The following ARHGAP12 variants were observed in gnomAD, a reference collection of about 807,000 sequenced individuals.
The protein encoded by ARHGAP12 is rho GTPase-activating protein 12.
Under a neutral mutation model 108.6 loss-of-function variants are expected in ARHGAP12, and 64 were observed. The ratio of observed to expected loss-of-function variants is 0.59; its 90% CI spans 0.48 to 0.73. The LOEUF (loss-of-function observed/expected upper bound fraction) is 0.73. Ranked by LOEUF, ARHGAP12 falls within the 30% of genes least tolerant of loss-of-function variation. ARHGAP12 has a pLI of 0.00. For synonymous variants in ARHGAP12, 312 were observed against 337.2 expected (o/e 0.93, Z 0.82); for missense variants, 940 against 1,005.9 (o/e 0.93, Z 0.89).
intron 3 of ARHGAP12, among the ~76,000 whole-genome samples, chr10:31,892,205 A>C (rs768614961): frequency 6.6e-6 from 1 of 152,176 alleles, no homozygotes; most frequent in Non-Finnish European, 1.5e-5. Context: ...GCATCAACTA[A>C]CGAGCAAAAT....
intron 3 of ARHGAP12, among the ~76,000 whole-genome samples, chr10:31,868,553 A>G (rs1837418804): frequency 6.6e-6 from 1 of 152,120 alleles, no homozygotes; most frequent in Non-Finnish European, 1.5e-5. Flanking sequence ...CATCAGAATC[A>G]TCTGAGGTTG....
intron 13 of ARHGAP12, among the ~76,000 whole-genome samples, chr10:31,816,542 C>T (rs906206431): frequency 5.3e-5 from 8 of 152,112 alleles, no homozygotes; most frequent in African/African-American, 1.9e-4. Flanking sequence ...TGCATACTTG[C>T]TTTCAAGAGA....
At chr10:31,821,212 T>C (rs1835405096) in intron 11 of ARHGAP12, among the ~76,000 whole-genome samples, 1 of 152,132 alleles carries the variant, frequency 6.6e-6, no homozygotes, top group South Asian at 2.1e-4. Context: ...GCATCAGCAA[T>C]TTAATGAGGA....
At chr10:31,872,089 T>C (rs1304035322) in intron 3 of ARHGAP12, among the ~76,000 whole-genome samples, 2 of 152,194 alleles carry the variant, frequency 1.3e-5, no homozygotes, top group African/African-American at 4.8e-5. Flanking sequence ...GCAGAAACAT[T>C]TGTCTTGTTT....
intron 1 of ARHGAP12, among the ~76,000 whole-genome samples, chr10:31,922,180 C>CAAAAAAAAA (rs56210740): frequency 4.5e-5 from 3 of 66,118 alleles, no homozygotes; most frequent in African/African-American, 6.4e-5. Flanking sequence ...GACCCTGCCT[C>CAAAAAAAAA]AAAAAAAAAA....
intron 3 of ARHGAP12, among the ~76,000 whole-genome samples, chr10:31,874,062 G>A (rs990495089): frequency 7.2e-5 from 11 of 152,052 alleles, no homozygotes; most frequent in African/African-American, 2.7e-4. Flanking sequence ...AAAAGTTAAT[G>A]GTACAACTGC....
In ARHGAP12 at chr10:31,820,454, A is replaced by G. The variant is rs1206361216; in HGVS notation, c.1565T>C (p.Val522Ala). The stretch of plus-strand genomic sequence containing the variant: ...CTCAATTGTTGCCCCCTTGAGGTCC[A>G]CTGTGAACTCTGGTTTGGACTGATT... ...GSNQSKPEFT[V>A]DLKGATIEMA... is the part of the protein sequence containing the mutation. Residue 522 changes from valine (V) to alanine (A), a missense_variant, in exon 12 of 20, where the codon GTG (valine) becomes GCG (alanine). Transcript: ENST00000344936. 1.2e-6 allele frequency: 2 copies of G among 1,611,844 alleles called. No individual in the cohort carries two copies.
In ARHGAP12 at chr10:31,815,795, C is replaced by T. The variant is rs78953877; in HGVS notation, c.1732-1434G>A. Among the ~76,000 whole-genome samples the T allele has an allele frequency of 4.9e-3, 743 of 152,284 alleles. 5 individuals are homozygous for T. The highest frequency in any genetic ancestry group is 5.2e-3 in the Non-Finnish European group (356 of 68,022). On this transcript the variant is annotated intron_variant, in intron 13 of 19. Coordinates refer to ENST00000344936, the MANE Select transcript of ARHGAP12 (RefSeq NM_018287.7). The stretch of plus-strand genomic sequence containing the variant: ...TGCAAAGTTCTTGCACCTCTTGCTA[C>T]ATTTAGTCCTTGGTTATCTTCTGAC...
At chr10:31,898,024 T>G (rs952967922) in intron 3 of ARHGAP12, among the ~76,000 whole-genome samples, 1 of 151,972 alleles carries the variant, frequency 6.6e-6, no homozygotes, top group Admixed American at 6.6e-5. Context: ...CTTGGGAGGC[T>G]GAGGTGGGAA....
chr10:31,879,643 C>T (rs1359239435), intron 3 of ARHGAP12, among the ~76,000 whole-genome samples: 1 of 152,136 alleles, frequency 6.6e-6, no homozygotes, highest in Non-Finnish European at 1.5e-5. Flanking sequence ...TTGCCTCATC[C>T]TACTAATTAC....
At chr10:31,902,804 G>A (rs1838983959) in intron 3 of ARHGAP12, among the ~76,000 whole-genome samples, 1 of 152,040 alleles carries the variant, frequency 6.6e-6, no homozygotes, top group African/African-American at 2.4e-5. Flanking sequence ...AAATGGGCTG[G>A]GCCACAGTAC....
At chr10:31,827,133 C>A (rs1460024995) in intron 10 of ARHGAP12, among the ~76,000 whole-genome samples, 1 of 152,156 alleles carries the variant, frequency 6.6e-6, no homozygotes, top group Admixed American at 6.5e-5. Context: ...GTACGCCTCA[C>A]ACAGCATATG....
intron 15 of ARHGAP12, among the ~76,000 whole-genome samples, chr10:31,811,680 A>ATTTTATTTTATTTTT: frequency 6.7e-6 from 1 of 149,910 alleles, no homozygotes; most frequent in Admixed American, 6.7e-5. Flanking sequence ...ATTTTATTTT[A>ATTTTATTTTATTTTT]TTTTTTTTAA....
intron 3 of ARHGAP12, among the ~76,000 whole-genome samples, chr10:31,887,848 G>A (rs929822444): frequency 1.3e-5 from 2 of 151,822 alleles, no homozygotes; most frequent in Non-Finnish European, 2.9e-5. Flanking sequence ...TAGTAGCGAC[G>A]GGGTTTCACC....
chr10:31,820,542 A>G, intron 11 of ARHGAP12, 54 bp from the exon 12 acceptor site: 1 of 1,013,814 alleles, frequency 9.9e-7, no homozygotes, highest in South Asian at 2.1e-5. Context: ...ATATATGTGT[A>G]TTCAAAAATA....
chr10:31,925,559 C>A (rs555415723), intron 1 of ARHGAP12, among the ~76,000 whole-genome samples: 1 of 152,216 alleles, frequency 6.6e-6, no homozygotes, highest in Non-Finnish European at 1.5e-5. Context: ...TTTTCTGTTC[C>A]AGGGTCCCAT....
At chr10:31,888,115 C>T (rs186126252) in intron 3 of ARHGAP12, among the ~76,000 whole-genome samples, 39 of 152,258 alleles carry the variant, frequency 2.6e-4, no homozygotes, top group African/African-American at 9.1e-4. Flanking sequence ...TGGCCTGGTA[C>T]AGAATACATA....
chr10:31,829,910 A>AT (rs1183654991), intron 10 of ARHGAP12, among the ~76,000 whole-genome samples: 2 of 152,236 alleles, frequency 1.3e-5, no homozygotes, highest in African/African-American at 2.4e-5. Context: ...TGTGAAAAGG[A>AT]TTTTTTTCAC....
intron 1 of ARHGAP12, among the ~76,000 whole-genome samples, chr10:31,924,387 A>G (rs1419172): frequency 0.77 from 117,864 of 152,092 alleles, 46,695 homozygotes; most frequent in African/African-American, 0.94. Context: ...AAGAGAAAAC[A>G]CGAAAAAAAG....
Sources: gnomAD v4.1 joint callset for allele counts (sites outside exome capture counted in the v4.1 genomes callset) on GRCh38, gnomAD v4.1.1 for gene constraint, MANE v1.5 for transcripts, NCBI Gene and HGNC (gene_info 2026-07-23, HGNC 2026-07-21) for gene names.